Variants in SETD1B observed in about 807,000 individuals in gnomAD.
SETD1B encodes the protein histone-lysine N-methyltransferase SETD1B.
In SETD1B, 7 loss-of-function variants were observed where a neutral mutation model predicts 148.0. The ratio of observed to expected loss-of-function variants is 0.05; its 90% CI spans 0.03 to 0.09. The LOEUF is 0.09. Among genes scored for constraint, SETD1B ranks in the 10% least tolerant of loss-of-function variants. The pLI is 1.00. For missense variants in SETD1B, 2,155 were observed against 2,729.9 expected (o/e 0.79, Z 4.69); for synonymous variants, 1,361 against 1,186.5 (o/e 1.15, Z -3.02).
intron 13 of SETD1B, among the ~76,000 whole-genome samples, chr12:121,826,694 G>A (rs550585575): frequency 1.3e-5 from 2 of 152,078 alleles, no homozygotes; most frequent in African/African-American, 4.8e-5. Flanking sequence ...CAGACTGTTC[G>A]GGTTGCTGCG....
Position 121,804,996 on chromosome 12 carries a change from C to T in SETD1B, c.174+85C>T, listed in dbSNP as rs944717138. ...AGCGGCCAGGGACCCCCCGCCCGAT[C>T]CCCCGGCCAACTGTCAGACGGGGCC... On this transcript the variant is annotated intron_variant, in intron 2 of 16. Transcript: ENST00000604567. This position sits in a 1 kb window ranked among gnomAD's most constrained non-coding sequence, Gnocchi z 4.6. 1 of 1,455,310 alleles carries T rather than the reference C, an allele frequency of 6.9e-7. No individual in the cohort carries two copies. The highest frequency in any genetic ancestry group is 9.2e-7 in the Non-Finnish European group (1 of 1,083,998). 90.1% of individuals were successfully genotyped at this position (1,455,310 alleles called of 1,614,324 possible).
At chr12:121,807,532 G>C (rs575502892) in intron 4 of SETD1B, among the ~76,000 whole-genome samples, 1 of 151,322 alleles carries the variant, frequency 6.6e-6, no homozygotes, top group Non-Finnish European at 1.5e-5. Context: ...TTTCAAGAAA[G>C]AGACCAGTAA....
At position 121,804,553 on chromosome 12, in the gene SETD1B, A is replaced by G. The variant is rs1307334920; in HGVS notation, c.-14-171A>G. 1.4e-5 allele frequency among the ~76,000 whole-genome samples: 2 copies of G among 144,824 alleles called. No individual in the cohort carries two copies. Among genetic ancestry groups the G allele is most frequent in the Admixed American group, 6.9e-5 (1 of 14,528 alleles). On this transcript the variant is annotated intron_variant, in intron 1 of 16. Transcript: ENST00000604567. The surrounding 1 kb of genome is among the most constrained non-coding windows in gnomAD (Gnocchi z 4.6). ...GGCGCGTAATTCTCCCGGAAGGGTT[A>G]TTCTCTCGCTCCATTCTTGTTTTGG...
Position 121,832,635 on chromosome 12 carries a change from A to G in SETD1B, c.*2396A>G. Reference sequence around the variant, plus strand: ...GTAACTTTTATAAAGCAAACCATAAATATACTGACTTTTCTTACAGATACG... The same window carrying G: ...GTAACTTTTATAAAGCAAACCATAAGTATACTGACTTTTCTTACAGATACG... On this transcript the variant is annotated 3_prime_UTR_variant, in exon 17 of 17. Transcript: ENST00000604567. 1 of 265,740 alleles carries G rather than the reference A, an allele frequency of 3.8e-6. No homozygotes were observed. 16.5% of individuals were successfully genotyped at this position (265,740 alleles called of 1,614,324 possible).
rs1271032174 is a variant in SETD1B, at chr12:121,810,117, C to T, written c.1172C>T (p.Pro391Leu). 1.3e-6 allele frequency: 2 copies of T among 1,550,088 alleles called. No homozygotes were observed. Among genetic ancestry groups the T allele is most frequent in the African/African-American group, 2.7e-5 (2 of 73,032 alleles). Residue 391 changes from proline (P) to leucine (L), a missense_variant, in exon 6 of 17, where the codon CCT (proline) becomes CTT (leucine). By Grantham distance (98) the Pro-to-Leu change is moderately conservative. Coordinates refer to ENST00000604567, the MANE Select transcript of SETD1B (RefSeq NM_001353345.2). This position sits in a 1 kb window ranked among gnomAD's most constrained non-coding sequence, Gnocchi z 7.6. ...CCACCCGCCCAAGCAACCCCTGCTC[C>T]TGGATTCAAGTCTGCTTTCTCTCCG... The part of the protein sequence containing the change: ...TPPPAQATPA[P>L]GFKSAFSPYQ...
intron 7 of SETD1B, among the ~76,000 whole-genome samples, chr12:121,815,501 C>G (rs969054286): frequency 2.0e-5 from 3 of 151,796 alleles, no homozygotes; most frequent in African/African-American, 7.3e-5. Flanking sequence ...CTGTCTTGGA[C>G]CACTTTTTTC....
upstream of SETD1B, chr12:121,800,496 G>T (rs1303756030): frequency 6.6e-6 from 1 of 151,928 alleles, no homozygotes; most frequent in Non-Finnish European, 1.5e-5. Context: ...GGAGGAGCCG[G>T]TGGGACCCGG....
At chr12:121,827,690 G>C (rs1308231257) in intron 14 of SETD1B, 40 bp downstream of exon 14, 8 of 1,551,666 alleles carry the variant, frequency 5.2e-6, no homozygotes, top group Non-Finnish European at 7.0e-6. Flanking sequence ...GGTGGCGGCA[G>C]GACCTGAGAC....
the SETD1B span, chr12:121,793,007 C>A: frequency 1.5e-6 from 1 of 677,886 alleles, no homozygotes; most frequent in Non-Finnish European, 2.5e-6. Context: ...CCGCAGCCAG[C>A]GCCCCTGAGC....
At position 121,823,335 on chromosome 12, in the gene SETD1B, C is replaced by T. The variant is rs12810722; in HGVS notation, c.4756C>T (p.Leu1586Phe). Reference sequence around the variant, plus strand: ...GGGGATCCCAGCCCCTCCACCACCCCTTCCCCCCCAGCCACCCCCACCCCC... The same window carrying T: ...GGGGATCCCAGCCCCTCCACCACCCTTTCCCCCCCAGCCACCCCCACCCCC... The part of the protein sequence containing the change: ...NAGIPAPPPP[L>F]PPQPPPPPPP... The change falls in exon 12 of 17, where the codon CTT (leucine) becomes TTT (phenylalanine). Residue 1586 changes from leucine (L) to phenylalanine (F), a missense_variant. Transcript: ENST00000604567. 1.4e-6 allele frequency: 2 copies of T among 1,423,476 alleles called. No individual in the cohort carries two copies. The allele number at this position is 1,423,476 out of a possible 1,614,324, so 88.2% of individuals were successfully genotyped here. A position where few individuals can be genotyped will look rare whatever the true frequency, so the allele number is the denominator to read the frequency against.
the SETD1B span, among the ~76,000 whole-genome samples, chr12:121,798,046 G>A: frequency 1.8e-4 from 28 of 152,318 alleles, no homozygotes; most frequent in African/African-American, 4.8e-4. Flanking sequence ...AGACAGTCCC[G>A]GGCAGGGATG....
intron 16 of SETD1B, among the ~76,000 whole-genome samples, chr12:121,829,500 G>A (rs1339259316): frequency 6.6e-6 from 1 of 152,332 alleles, no homozygotes; most frequent in South Asian, 2.1e-4. Flanking sequence ...TGTGAGCTAA[G>A]TCAAAGACAG....
At chr12:121,793,011 CCT>C in the SETD1B span, 1 of 702,554 alleles carries the variant, frequency 1.4e-6, no homozygotes, top group Admixed American at 2.7e-5. Flanking sequence ...AGCCAGCGCC[CCT>C]GAGCGGCCTC....
At chr12:121,792,072 C>T in the SETD1B span, among the ~76,000 whole-genome samples, 8 of 146,210 alleles carry the variant, frequency 5.5e-5, no homozygotes, top group East Asian at 2.2e-4. Context: ...CCTCAGAGGC[C>T]ACGATAGGAC....
At chr12:121,824,340 G>A (rs1445218648) in intron 12 of SETD1B, among the ~76,000 whole-genome samples, 2 of 152,184 alleles carry the variant, frequency 1.3e-5, no homozygotes, top group East Asian at 3.8e-4. Context: ...TGAGCACTCA[G>A]TTTGTGTCAA....
chr12:121,793,348 C>A, the SETD1B span: 1 of 1,430,936 alleles, frequency 7.0e-7, no homozygotes. Flanking sequence ...CCCCCCCTCA[C>A]CCCGCTGGGC....
chr12:121,793,107 C>A, the SETD1B span: 1 of 1,506,416 alleles, frequency 6.6e-7, no homozygotes. Flanking sequence ...GGAAACCCTT[C>A]GGGCGGGCGG....
the SETD1B span, chr12:121,793,651 A>C: frequency 6.6e-7 from 1 of 1,521,020 alleles, no homozygotes; most frequent in Non-Finnish European, 8.8e-7. Flanking sequence ...AGCCCGCAGC[A>C]CTGGCGGCGG....
the SETD1B span, among the ~76,000 whole-genome samples, chr12:121,796,715 C>T: frequency 6.6e-6 from 1 of 152,212 alleles, no homozygotes; most frequent in African/African-American, 2.4e-5. Flanking sequence ...TAAAAGTTCC[C>T]GTCACAAAAG....
Sources: gnomAD v4.1 joint callset for allele counts (sites outside exome capture counted in the v4.1 genomes callset) on GRCh38, gnomAD v4.1.1 for gene constraint, Gnocchi (gnomAD v3.1) non-coding constraint, MANE v1.5 for transcripts, NCBI Gene and HGNC (gene_info 2026-07-23, HGNC 2026-07-21) for gene names.